Variants in CTTN observed in about 807,000 individuals in gnomAD.
The protein encoded by CTTN is src substrate cortactin.
In CTTN, 28 loss-of-function variants were observed where a neutral mutation model predicts 84.0. The ratio of observed to expected loss-of-function variants is 0.33; its 90% CI spans 0.25 to 0.46. The LOEUF (loss-of-function observed/expected upper bound fraction) is 0.46, where lower values mean the gene tolerates loss of function less well. Among genes scored for constraint, CTTN ranks in the 20% least tolerant of loss-of-function variants. The pLI, the probability that CTTN is intolerant of heterozygous loss-of-function variation, is 1.00. For missense variants in CTTN, 641 were observed against 723.8 expected, an observed-to-expected ratio of 0.89 and a Z score of 1.31; for synonymous variants, 301 against 288.8, an observed-to-expected ratio of 1.04 and a Z score of -0.43.
intron 16 of CTTN, among the ~76,000 whole-genome samples, 163 bp downstream of exon 16, chr11:70,433,441 C>T (rs2058378374): frequency 6.6e-6 from 1 of 152,122 alleles, no homozygotes; most frequent in African/African-American, 2.4e-5. Flanking sequence ...GCTCTAGGCA[C>T]ATTTGGGGCA....
In CTTN at chr11:70,415,854, G is replaced by A. The variant is rs530019311; in HGVS notation, c.457+137G>A. On this transcript the variant is annotated intron_variant, in intron 7 of 17. Coordinates refer to ENST00000301843, the MANE Select transcript of CTTN (RefSeq NM_005231.4). Reference sequence around the variant, plus strand: ...AGCCACCTGAAGCCGTTTCCTGAGCGGTGGCTGTTGCCACAAGGAGGACTC... The same window carrying A: ...AGCCACCTGAAGCCGTTTCCTGAGCAGTGGCTGTTGCCACAAGGAGGACTC... The A allele has an allele frequency of 1.1e-4, 83 of 782,270 alleles. 1 individual carries two copies. The highest frequency in any genetic ancestry group is 1.7e-4 in the Non-Finnish European group (77 of 450,112). The allele number at this position is 782,270 out of a possible 1,614,324, so 48.5% of individuals were successfully genotyped here.
At chr11:70,409,249 A>G (rs1000293673) in intron 4 of CTTN, among the ~76,000 whole-genome samples, 4 of 152,200 alleles carry the variant, frequency 2.6e-5, no homozygotes, top group Non-Finnish European at 5.9e-5. Context: ...TCTCAATGAC[A>G]GCTGTGTCTG....
intron 7 of CTTN, chr11:70,415,978 TGGG>T: frequency 2.3e-6 from 1 of 441,134 alleles, no homozygotes; most frequent in South Asian, 3.5e-5. Flanking sequence ...GCTGTCATTG[TGGG>T]GCTTCTCCCC....
In CTTN at chr11:70,435,181, G is replaced by C. The variant is rs773153107; in HGVS notation, c.*19G>C. On this transcript the variant is annotated 3_prime_UTR_variant, in exon 18 of 18. Transcript: ENST00000301843. ...GCAGTAGGGCCCCCAGCCCCCCCCC[G>C]GAGCTGCGCCCTGGATCCTCACACT... is the stretch of plus-strand genomic sequence containing the variant. The C allele has an allele frequency of 1.3e-6, 2 of 1,591,088 alleles. No individual in the cohort carries two copies. The highest frequency in any genetic ancestry group is 2.3e-5 in the South Asian group (2 of 88,852).
At chr11:70,434,494 C>T (rs2058392730) in intron 17 of CTTN, among the ~76,000 whole-genome samples, 1 of 152,276 alleles carries the variant, frequency 6.6e-6, no homozygotes, top group African/African-American at 2.4e-5. Context: ...TGAGCGCTGG[C>T]CGTCCCCGTT....
intron 7 of CTTN, chr11:70,416,764 G>A (rs962961233): frequency 4.2e-5 from 18 of 432,004 alleles, no homozygotes; most frequent in Non-Finnish European, 7.5e-5. Context: ...GGCATGCAGC[G>A]TCATTTCTGA....
chr11:70,414,475 T>C (rs2058134356), intron 5 of CTTN, 67 bp from the exon 6 acceptor site: 1 of 1,190,054 alleles, frequency 8.4e-7, no homozygotes. Context: ...CCAGCCCTGC[T>C]CTGGGAGGAA....
intron 14 of CTTN, 57 bp downstream of exon 14, chr11:70,429,256 T>C (rs890513882): frequency 3.8e-6 from 6 of 1,563,510 alleles, no homozygotes; most frequent in Non-Finnish European, 4.3e-6. Context: ...GCCGAGGGGA[T>C]TGGGAGCTCT....
rs377421337 is a variant in CTTN at position 70,433,052 on chromosome 11, C to T, written c.1267-49C>T. The stretch of plus-strand genomic sequence containing the variant: ...GCTGTGGCAGTACAGCTACTGCTCT[C>T]TAGAAGCCAGCATGGGCCCCGTGCC... On this transcript the variant is annotated intron_variant, in intron 15 of 17. Transcript: ENST00000301843. 4.0e-5 allele frequency: 64 copies of T among 1,586,478 alleles called. No homozygotes were observed. In the African/African-American group the frequency reaches 7.8e-4, roughly 19 times the overall value.
intron 15 of CTTN, 132 bp downstream of exon 15, chr11:70,431,412 C>T: frequency 1.0e-6 from 1 of 956,236 alleles, no homozygotes; most frequent in Non-Finnish European, 1.6e-6. Context: ...GCATTCCACG[C>T]CCGGAGAGGG....
intron 14 of CTTN, 75 bp from the exon 15 acceptor site, chr11:70,431,116 C>A: frequency 1.4e-6 from 2 of 1,463,482 alleles, no homozygotes; most frequent in Middle Eastern, 1.7e-4. Flanking sequence ...TGCACACGAT[C>A]TTCTGAAACA....
rs982741867 is a variant in CTTN at position 70,409,804 on chromosome 11, G to A, written c.162-27G>A. ...AGCTGCACGTCTGTTTTATTGATCT[G>A]TTCCTATTTTCATCTCTTCCATCAA... On this transcript the variant is annotated intron_variant, in intron 4 of 17. Coordinates refer to ENST00000301843, the MANE Select transcript of CTTN (RefSeq NM_005231.4). 3 of 1,612,642 alleles carry A rather than the reference G, an allele frequency of 1.9e-6. No individual in the cohort carries two copies. In the African/African-American group the frequency reaches 4.0e-5, roughly 22 times the overall value.
At position 70,414,628 on chromosome 11, in the gene CTTN, T is replaced by C. The variant is rs1164647446; in HGVS notation, c.378T>C (p.Gly126=). 2 of 1,613,948 alleles carry C rather than the reference T, an allele frequency of 1.2e-6. No homozygotes were observed. The highest frequency in any genetic ancestry group is 1.7e-5 in the Admixed American group (1 of 60,008). ...TCCGTGGCTTCGGAGGCAAGTTTGG[T>C]GTCCAGATGGACAGAGTTGATCAGG... is the stretch of plus-strand genomic sequence containing the variant. ...DSVRGFGGKF[G]VQMDRVDQSA... Residue 126 remains glycine, a synonymous_variant, in exon 6 of 18, where the codon GGT becomes GGC. Transcript: ENST00000301843.
rs370623790 is a variant in CTTN, at chr11:70,435,253, GTTTTTTTTTTT to G, written c.*106_*116del. ...TCTTGGGTGGTTTTGGGTTTTTTCTGTTTTTTTTTTTTTTTTTTTTTTTTTGAAGGTGGGGA... is the reference window on the plus strand; with the variant it reads ...TCTTGGGTGGTTTTGGGTTTTTTCTGTTTTTTTTTTTTTTGAAGGTGGGGA... On this transcript the variant is annotated 3_prime_UTR_variant, in exon 18 of 18. Transcript: ENST00000301843. The G allele has an allele frequency of 4.3e-5, 40 of 938,810 alleles. No individual in the cohort carries two copies. The highest frequency in any genetic ancestry group is 1.3e-4 in the South Asian group (5 of 37,316). The allele number at this position is 938,810 out of a possible 1,614,324, so 58.2% of individuals were successfully genotyped here.
Position 70,435,435 on chromosome 11 carries a change from CT to C in CTTN, c.*279del. On this transcript the variant is annotated 3_prime_UTR_variant, in exon 18 of 18. Coordinates refer to ENST00000301843, the MANE Select transcript of CTTN (RefSeq NM_005231.4). Reference sequence around the variant, plus strand: ...TTTATGCATTGATGGTTTTTTTTTTCTTTTTTGCCAAATTGACTGTCACGCG... The same window carrying C: ...TTTATGCATTGATGGTTTTTTTTTTCTTTTTGCCAAATTGACTGTCACGCG... 6.7e-7 allele frequency: 1 copy of C among 1,488,546 alleles called. No homozygotes were observed. Among genetic ancestry groups the C allele is most frequent in the Non-Finnish European group, 8.8e-7 (1 of 1,132,052 alleles). The allele number at this position is 1,488,546 out of a possible 1,614,324, so 92.2% of individuals were successfully genotyped here. A position where few individuals can be genotyped will look rare whatever the true frequency, so the allele number is the denominator to read the frequency against.
intron 5 of CTTN, 37 bp downstream of exon 5, chr11:70,409,997 T>C (rs749012214): frequency 3.7e-6 from 6 of 1,612,700 alleles, no homozygotes; most frequent in South Asian, 2.2e-5. Context: ...AGGCTCCTGG[T>C]GTGCTTGGAC....
chr11:70,429,299 A>C, intron 14 of CTTN, 100 bp downstream of exon 14: 1 of 1,386,740 alleles, frequency 7.2e-7, no homozygotes. Flanking sequence ...TCTCCTGGCC[A>C]GGTTTTCCTT....
rs762120184 is a variant in CTTN, at chr11:70,435,519, G to A, written c.*357G>A. 3.2e-6 allele frequency: 5 copies of A among 1,561,070 alleles called. No homozygotes were observed. In the South Asian group the frequency reaches 5.8e-5, roughly 18 times the overall value. ...CGTGTTGCCCTCGTGCCCATCAAGTGCAGTCGGGACCTCCCAGGACAAGCA... is the reference window on the plus strand; with the variant it reads ...CGTGTTGCCCTCGTGCCCATCAAGTACAGTCGGGACCTCCCAGGACAAGCA... On this transcript the variant is annotated 3_prime_UTR_variant, in exon 18 of 18. Coordinates refer to ENST00000301843, the MANE Select transcript of CTTN (RefSeq NM_005231.4).
chr11:70,402,152 AAAAG>A (rs2057993190), intron 1 of CTTN, among the ~76,000 whole-genome samples: 1 of 152,122 alleles, frequency 6.6e-6, no homozygotes, highest in Admixed American at 6.5e-5. Context: ...GACTGTCTGA[AAAAG>A]AAAAAAAAAG....
Sources: gnomAD v4.1 joint callset for allele counts (sites outside exome capture counted in the v4.1 genomes callset) on GRCh38, gnomAD v4.1.1 for gene constraint, MANE v1.5 for transcripts, NCBI Gene and HGNC (gene_info 2026-07-23, HGNC 2026-07-21) for gene names.